The following ETFA variants were observed in gnomAD, a reference collection of about 807,000 sequenced individuals.
ETFA encodes the protein electron transfer flavoprotein subunit alpha, mitochondrial.
Under a neutral mutation model 46.2 loss-of-function variants are expected in ETFA, and 22 were observed. That is an observed-to-expected ratio of 0.48 (90% confidence interval 0.34 to 0.68). The LOEUF is 0.68. ETFA is among the 30% of genes least tolerant of loss of function. The pLI is 0.01. For synonymous variants in ETFA, 131 were observed against 139.9 expected (o/e 0.94, Z 0.45); for missense variants, 345 against 401.1 (o/e 0.86, Z 1.19).
chr15:76,261,727 G>A (rs2039415923), intron 9 of ETFA: 1 of 248,002 alleles, frequency 4.0e-6, no homozygotes, highest in South Asian at 1.2e-4. Context: ...CCCGGCCCAC[G>A]AGTGAGGAGG....
intron 9 of ETFA, among the ~76,000 whole-genome samples, chr15:76,272,529 T>C (rs2039547846): frequency 1.3e-5 from 2 of 152,134 alleles, no homozygotes; most frequent in Admixed American, 1.3e-4. Flanking sequence ...CTGAATTTCT[T>C]GTAGACATAT....
At chr15:76,238,590 T>C (rs779289787) in intron 9 of ETFA, among the ~76,000 whole-genome samples, 1 of 152,204 alleles carries the variant, frequency 6.6e-6, no homozygotes, top group Non-Finnish European at 1.5e-5. Flanking sequence ...GCAACTGTTA[T>C]AGATAAAACA....
chr15:76,230,217 A>ATTTTTTTTT (rs1567197277), intron 10 of ETFA: 1 of 25,026 alleles, frequency 4.0e-5, no homozygotes, highest in African/African-American at 1.1e-4. Flanking sequence ...TACTTATTGC[A>ATTTTTTTTT]CTTTTTTTTT....
intron 9 of ETFA, among the ~76,000 whole-genome samples, chr15:76,263,200 G>A (rs561011628): frequency 6.6e-6 from 1 of 152,294 alleles, no homozygotes; most frequent in South Asian, 2.1e-4. Flanking sequence ...AGAGCTTGGG[G>A]CCTTTGCAAC....
At chr15:76,260,570 G>T (rs1214313247) in intron 9 of ETFA, 1 of 1,495,550 alleles carries the variant, frequency 6.7e-7, no homozygotes, top group Non-Finnish European at 9.2e-7. Flanking sequence ...CTGTCAAATT[G>T]GCCCTGGTCC....
intron 8 of ETFA, among the ~76,000 whole-genome samples, chr15:76,278,754 T>C (rs2039620905): frequency 6.6e-6 from 1 of 152,172 alleles, no homozygotes; most frequent in Non-Finnish European, 1.5e-5. Flanking sequence ...TGAAAAAAAC[T>C]GAAAGGATCA....
At chr15:76,279,563 C>T (rs907316805) in intron 8 of ETFA, among the ~76,000 whole-genome samples, 1 of 152,154 alleles carries the variant, frequency 6.6e-6, no homozygotes, top group Non-Finnish European at 1.5e-5. Context: ...AGGTGCGAGT[C>T]ACTGCACCTG....
intron 9 of ETFA, among the ~76,000 whole-genome samples, chr15:76,271,906 T>C (rs2039536565): frequency 7.8e-6 from 1 of 127,858 alleles, no homozygotes. Flanking sequence ...CGTATATGTG[T>C]GTGTATATAC....
At chr15:76,246,647 T>G (rs1567202191) in intron 9 of ETFA, among the ~76,000 whole-genome samples, 1 of 151,862 alleles carries the variant, frequency 6.6e-6, no homozygotes, top group African/African-American at 2.4e-5. Context: ...CTGGCTAACA[T>G]GGTGAAATCC....
intron 11 of ETFA, among the ~76,000 whole-genome samples, chr15:76,224,644 CTCTG>C (rs2038987103): frequency 6.6e-6 from 1 of 152,230 alleles, no homozygotes; most frequent in African/African-American, 2.4e-5. Flanking sequence ...CCACCTGTAG[CTCTG>C]TTCTCAGGCT....
intron 9 of ETFA, chr15:76,261,772 A>C: frequency 5.2e-6 from 1 of 191,844 alleles, no homozygotes; most frequent in Non-Finnish European, 1.1e-5. Flanking sequence ...ATATCGACAA[A>C]TGTGTCAACA....
intron 9 of ETFA, among the ~76,000 whole-genome samples, chr15:76,252,517 G>A (rs563755290): frequency 1.3e-5 from 2 of 152,328 alleles, no homozygotes; most frequent in African/African-American, 2.4e-5. Flanking sequence ...CAAGAACACT[G>A]AGAAAGCCTC....
At chr15:76,216,911 T>G (rs543171621) in intron 11 of ETFA, among the ~76,000 whole-genome samples, 1 of 134,464 alleles carries the variant, frequency 7.4e-6, no homozygotes, top group Non-Finnish European at 1.5e-5. Context: ...AGTGGTACAA[T>G]TATGGCTCAC....
chr15:76,260,844 A>C, intron 9 of ETFA: 2 of 1,611,530 alleles, frequency 1.2e-6, no homozygotes, highest in Non-Finnish European at 1.7e-6. Flanking sequence ...GGCAGGCACC[A>C]GGTCCCGGAG....
Position 76,274,503 on chromosome 15 carries a change from A to T in ETFA, c.734-9T>A. On this transcript the variant is annotated splice_polypyrimidine_tract_variant and intron_variant, in intron 8 of 11. Transcript: ENST00000557943. Reference sequence around the variant, plus strand: ...AGCACGGGAAGCACCAACTAAGGGGAAAAAATATTTGTCATTTTTTTCAAG... The same window carrying T: ...AGCACGGGAAGCACCAACTAAGGGGTAAAAATATTTGTCATTTTTTTCAAG... 1 of 1,606,992 alleles carries T rather than the reference A, an allele frequency of 6.2e-7. No homozygotes were observed. Among genetic ancestry groups the T allele is most frequent in the Middle Eastern group, 1.7e-4 (1 of 6,054 alleles).
At chr15:76,234,385 G>A (rs182051733) in intron 9 of ETFA, among the ~76,000 whole-genome samples, 1 of 152,184 alleles carries the variant, frequency 6.6e-6, no homozygotes, top group Admixed American at 6.5e-5. Flanking sequence ...ATAATAATTA[G>A]TATACACAAA....
chr15:76,226,038 A>C, intron 10 of ETFA, 109 bp from the exon 11 acceptor site: 1 of 727,334 alleles, frequency 1.4e-6, no homozygotes, highest in Non-Finnish European at 2.4e-6. Flanking sequence ...TGTCTACCAA[A>C]TAAGATTTGA....
In ETFA at chr15:76,225,932, G is replaced by A. The variant is rs772701864; in HGVS notation, c.883-3C>T. 6.9e-6 allele frequency: 11 copies of A among 1,591,264 alleles called. No homozygotes were observed. In the African/African-American group the frequency reaches 1.5e-4, roughly 21 times the overall value. On this transcript the variant is annotated splice_polypyrimidine_tract_variant and splice_region_variant and intron_variant, in intron 10 of 11. Transcript: ENST00000557943. ...TCTTTATTAATTGCCACAATTGTCT[G>A]TGAAATAAAAACAAAGAGTTTGACT...
intron 7 of ETFA, 113 bp from the exon 8 acceptor site, chr15:76,283,938 A>G: frequency 2.7e-6 from 2 of 731,908 alleles, no homozygotes; most frequent in Admixed American, 4.3e-5. Context: ...TGCCATATTA[A>G]GCATGTCACC....
Sources: gnomAD v4.1 joint callset for allele counts (sites outside exome capture counted in the v4.1 genomes callset) on GRCh38, gnomAD v4.1.1 for gene constraint, MANE v1.5 for transcripts, NCBI Gene and HGNC (gene_info 2026-07-23, HGNC 2026-07-21) for gene names.